HERC1: variants seen among roughly 807,000 people sequenced by gnomAD.
HERC1 encodes the protein HECT and RLD domain containing E3 ubiquitin protein ligase family member 1.
A neutral mutation model predicts 554.3 loss-of-function variants in HERC1; 160 were observed. The ratio of observed to expected loss-of-function variants is 0.29; its 90% confidence interval spans 0.25 to 0.33. The LOEUF is 0.33. Ranked by LOEUF, HERC1 falls within the 10% of genes least tolerant of loss-of-function variation. HERC1 has a pLI of 1.00. For missense variants in HERC1, 4,919 were observed against 5,918.5 expected, an observed-to-expected ratio of 0.83 and a Z score of 5.54; for synonymous variants, 2,175 against 2,131.7, an observed-to-expected ratio of 1.02 and a Z score of -0.56.
chr15:63,661,293 C>T (rs1413322687), intron 45 of HERC1, among the ~76,000 whole-genome samples: 1 of 152,228 alleles, frequency 6.6e-6, no homozygotes, highest in Middle Eastern at 3.4e-3. Context: ...TTCCATAAAG[C>T]CTTAAAGATT....
intron 74 of HERC1, among the ~76,000 whole-genome samples, chr15:63,621,488 C>T (rs896530949): frequency 7.9e-5 from 12 of 152,066 alleles, no homozygotes; most frequent in Admixed American, 1.3e-4. Context: ...TTGCTCTTCT[C>T]GAGGAGTATC....
Position 63,612,479 on chromosome 15 carries a change from C to G in HERC1, c.14172G>C (p.Glu4724Asp), listed in dbSNP as rs201286464. Reference sequence around the variant, plus strand: ...TCTCGGGCATCCCACACACCATCTGCTCCAGTTGTTTTGCTGTGAGGAGGG... The same window carrying G: ...TCTCGGGCATCCCACACACCATCTGGTCCAGTTGTTTTGCTGTGAGGAGGG... ...LLSLLTAKQLEQMVCGMPEIS... is the reference protein window; with the variant it reads ...LLSLLTAKQLDQMVCGMPEIS... The change falls in exon 77 of 78, where the codon GAG (glutamate) becomes GAC (aspartate). Residue 4724 changes from glutamate (E) to aspartate (D), a missense_variant. Physicochemically the swap from Glu to Asp is conservative, Grantham distance 45. Transcript: ENST00000443617. The surrounding 1 kb of genome is among the most constrained non-coding windows in gnomAD (Gnocchi z 5.0). 2.5e-6 allele frequency: 4 copies of G among 1,613,902 alleles called. No individual in the cohort carries two copies. The highest frequency in any genetic ancestry group is 3.4e-6 in the Non-Finnish European group (4 of 1,179,908).
chr15:63,670,717 C>G (rs746000806), intron 39 of HERC1, among the ~76,000 whole-genome samples: 3 of 152,012 alleles, frequency 2.0e-5, no homozygotes, highest in South Asian at 2.1e-4. Flanking sequence ...CTTGTGTGGA[C>G]GCCTTGAATT....
chr15:63,781,636 T>G (rs11854088), intron 1 of HERC1, among the ~76,000 whole-genome samples: 6 of 152,156 alleles, frequency 3.9e-5, no homozygotes, highest in African/African-American at 1.4e-4. Flanking sequence ...ATATTGAAAT[T>G]AGGCCAACTA....
chr15:63,747,895 A>C (rs979232540), intron 10 of HERC1, 37 bp from the exon 11 acceptor site: 17 of 1,509,456 alleles, frequency 1.1e-5, no homozygotes, highest in Non-Finnish European at 1.4e-5. Context: ...AAACAGTCTT[A>C]AAATGAAATT....
chr15:63,702,583 G>C (rs377124732), intron 25 of HERC1, among the ~76,000 whole-genome samples: 2 of 152,156 alleles, frequency 1.3e-5, no homozygotes, highest in African/African-American at 4.8e-5. Context: ...TACAACCATA[G>C]CAAATCTTTT....
intron 2 of HERC1, among the ~76,000 whole-genome samples, chr15:63,769,140 G>A (rs901814713): frequency 5.3e-5 from 8 of 152,150 alleles, no homozygotes; most frequent in African/African-American, 1.2e-4. Flanking sequence ...TACACAGGCC[G>A]GGCACAGTGG....
At chr15:63,817,667 T>G (rs961142901) in intron 1 of HERC1, among the ~76,000 whole-genome samples, 4 of 152,126 alleles carry the variant, frequency 2.6e-5, no homozygotes, top group Non-Finnish European at 4.4e-5. Flanking sequence ...GTCAGCCAAG[T>G]TCGCGCCACT....
Position 63,729,622 on chromosome 15 carries a change from T to A in HERC1, c.2896A>T (p.Asn966Tyr), listed in dbSNP as rs1482070783. 1 of 1,613,874 alleles carries A rather than the reference T, an allele frequency of 6.2e-7. No homozygotes were observed. ...GTTCCAAGTAGAAATTTATCACTAT[T>A]CTTTTCTAGCTCTCCAAATGCTTGA... ...TDQAFGELEK[N>Y]SDKFLLGTSS... Residue 966 changes from asparagine (N) to tyrosine (Y), a missense_variant, in exon 15 of 78, where the codon AAT becomes TAT. Around this residue, in one of 11 missense-constraint regions of HERC1, gnomAD observed 744 missense variants for 1,090.0 expected, o/e 0.68. Transcript: ENST00000443617.
intron 1 of HERC1, among the ~76,000 whole-genome samples, chr15:63,829,392 C>CA (rs1321037279): frequency 1.3e-5 from 2 of 150,774 alleles, no homozygotes; most frequent in Non-Finnish European, 3.0e-5. Context: ...CACGGCACTG[C>CA]AGCCTGGGTG....
At chr15:63,678,697 C>T (rs1418162938) in intron 36 of HERC1, among the ~76,000 whole-genome samples, 1 of 152,212 alleles carries the variant, frequency 6.6e-6, no homozygotes. Flanking sequence ...AGGATATACT[C>T]ATTCTCATCC....
Position 63,694,146 on chromosome 15 carries a change from T to C in HERC1, c.5492A>G (p.Asp1831Gly). 1 of 1,603,838 alleles carries C rather than the reference T, an allele frequency of 6.2e-7. No individual in the cohort carries two copies. The highest frequency in any genetic ancestry group is 8.5e-7 in the Non-Finnish European group (1 of 1,175,152). The stretch of plus-strand genomic sequence containing the variant: ...TTGAACTACTTTGGGACTCAGTTTA[T>C]CAGCATAGGTCCTATGTGAAATAAA... The part of the protein sequence containing the change: ...ILAITTGTYA[D>G]KLSPKVVQSL... Residue 1831 changes from aspartate to glycine, a missense_variant, in exon 30 of 78, where the codon GAT becomes GGT. Transcript: ENST00000443617. The surrounding 1 kb of genome is among the most constrained non-coding windows in gnomAD (Gnocchi z 4.3).
chr15:63,723,030 GA>G (rs2073887670), intron 19 of HERC1, among the ~76,000 whole-genome samples, 151 bp downstream of exon 19: 1 of 151,648 alleles, frequency 6.6e-6, no homozygotes. Context: ...TCCACAAAGG[GA>G]AAAACAAATT....
intron 1 of HERC1, among the ~76,000 whole-genome samples, chr15:63,793,584 T>C (rs1416256230): frequency 1.3e-5 from 2 of 152,212 alleles, no homozygotes; most frequent in Non-Finnish European, 2.9e-5. Flanking sequence ...ACTATAACTA[T>C]CCTTAGTGGA....
chr15:63,803,079 CCTATAGT>C (rs1327454667), intron 1 of HERC1, among the ~76,000 whole-genome samples: 5 of 151,980 alleles, frequency 3.3e-5, no homozygotes, highest in Admixed American at 3.3e-4. Flanking sequence ...GTGGTGCACC[CCTATAGT>C]CTCAGCAACT....
At chr15:63,650,185 C>G (rs1408218645) in intron 53 of HERC1, among the ~76,000 whole-genome samples, 1 of 151,924 alleles carries the variant, frequency 6.6e-6, no homozygotes, top group East Asian at 1.9e-4. Flanking sequence ...GGCGGATCAC[C>G]TGAGGTCAGG....
intron 74 of HERC1, among the ~76,000 whole-genome samples, chr15:63,621,902 T>A (rs972842515): frequency 4.6e-5 from 7 of 152,214 alleles, no homozygotes; most frequent in African/African-American, 1.4e-4. Context: ...TAATTTTTTT[T>A]CAAGGTTTTT....
chr15:63,669,861 C>T (rs2070815216), intron 39 of HERC1, among the ~76,000 whole-genome samples, 163 bp from the exon 40 acceptor site: 1 of 152,180 alleles, frequency 6.6e-6, no homozygotes, highest in Admixed American at 6.5e-5. Flanking sequence ...AAATGATTAT[C>T]TCATGCAGCA....
intron 34 of HERC1, among the ~76,000 whole-genome samples, chr15:63,683,721 T>C (rs2071601056): frequency 6.6e-6 from 1 of 152,190 alleles, no homozygotes; most frequent in Admixed American, 6.5e-5. Flanking sequence ...TAAACAGAGC[T>C]CACTGTGGCT....
Sources: allele counts gnomAD v4.1 joint callset (sites outside exome capture counted in the v4.1 genomes callset), GRCh38; gene constraint gnomAD v4.1.1; regional missense constraint gnomAD v4.1.1; non-coding constraint Gnocchi (gnomAD v3.1); transcripts MANE v1.5; gene names NCBI Gene and HGNC (gene_info 2026-07-23, HGNC 2026-07-21).